TTC28: variants seen among roughly 807,000 people sequenced by gnomAD.
TTC28 encodes the protein tetratricopeptide repeat domain 28.
A neutral mutation model predicts 198.0 loss-of-function variants in TTC28; 61 were observed. The ratio of observed to expected loss-of-function variants is 0.31; its 90% CI spans 0.25 to 0.38. The LOEUF is 0.38. Among genes scored for constraint, TTC28 ranks in the 10% least tolerant of loss-of-function variants. TTC28 has a pLI of 1.00. For missense variants in TTC28, 2,678 were observed against 3,164.0 expected (o/e 0.85, Z 3.69); for synonymous variants, 1,171 against 1,297.8 (o/e 0.90, Z 2.10).
At position 28,145,141 on chromosome 22, in the gene TTC28, G is replaced by A. The variant is rs542673272; in HGVS notation, c.1441+17951C>T. On this transcript the variant is annotated intron_variant, in intron 6 of 22. Transcript: ENST00000397906. Reference sequence around the variant, plus strand: ...CAGGGGAAAAAACAAAACAAATACCGACACTAACTTCTAGGTACTCCTTAG... The same window carrying A: ...CAGGGGAAAAAACAAAACAAATACCAACACTAACTTCTAGGTACTCCTTAG... 3.1e-3 allele frequency among the ~76,000 whole-genome samples: 466 copies of A among 152,204 alleles called. 6 individuals are homozygous for A. Among genetic ancestry groups the A allele is most frequent in the African/African-American group, 0.011 (443 of 41,502 alleles).
intron 2 of TTC28, among the ~76,000 whole-genome samples, chr22:28,415,990 T>C (rs147249587): frequency 3.9e-5 from 6 of 152,228 alleles, no homozygotes; most frequent in Non-Finnish European, 5.9e-5. Context: ...AAAAAAGGCA[T>C]TGAACTTTCA....
intron 1 of TTC28, among the ~76,000 whole-genome samples, chr22:28,641,670 A>G (rs138063765): frequency 0.011 from 1,665 of 152,320 alleles, 31 homozygotes; most frequent in African/African-American, 0.037. Context: ...TGTGAATTGC[A>G]TCTCAATTAA....
intron 13 of TTC28, among the ~76,000 whole-genome samples, chr22:28,019,754 G>A (rs1172592575): frequency 6.6e-6 from 1 of 152,246 alleles, no homozygotes; most frequent in Admixed American, 6.5e-5. Flanking sequence ...CGCCCTGGCT[G>A]ACTTCTCTTT....
chr22:28,364,157 G>A (rs763460769), intron 2 of TTC28, among the ~76,000 whole-genome samples: 1 of 152,128 alleles, frequency 6.6e-6, no homozygotes, highest in Non-Finnish European at 1.5e-5. Flanking sequence ...GCGACCCAGT[G>A]GGAGGTAACT....
At chr22:28,291,652 A>G (rs1382634727) in intron 5 of TTC28, among the ~76,000 whole-genome samples, 3 of 152,238 alleles carry the variant, frequency 2.0e-5, no homozygotes, top group Non-Finnish European at 4.4e-5. Context: ...AGTAATAAGT[A>G]TAAGAAGCCT....
At chr22:28,199,553 ACAAACAC>A in intron 5 of TTC28, among the ~76,000 whole-genome samples, 1 of 149,702 alleles carries the variant, frequency 6.7e-6, no homozygotes, top group African/African-American at 2.5e-5. Context: ...ATATATACAC[ACAAACAC>A]TAAATTATTT....
chr22:28,427,811 T>C (rs9620795), intron 2 of TTC28, among the ~76,000 whole-genome samples: 2,002 of 151,816 alleles, frequency 0.013, 40 homozygotes, highest in African/African-American at 0.046. Flanking sequence ...TAAAGTCAAA[T>C]TCAGGTAAAT....
At chr22:28,348,015 T>C (rs1016117613) in intron 2 of TTC28, among the ~76,000 whole-genome samples, 1 of 152,248 alleles carries the variant, frequency 6.6e-6, no homozygotes, top group Non-Finnish European at 1.5e-5. Context: ...TGTTTCTTCT[T>C]TCTCAAGTAA....
At chr22:28,031,644 G>A (rs1461207547) in intron 12 of TTC28, among the ~76,000 whole-genome samples, 1 of 152,138 alleles carries the variant, frequency 6.6e-6, no homozygotes. Flanking sequence ...CATTCTGGGG[G>A]CCAAATGAGA....
rs183376176 is a variant in TTC28 at position 28,648,657 on chromosome 22, C to T, written c.103-18827G>A. On this transcript the variant is annotated intron_variant, in intron 1 of 22. Transcript: ENST00000397906. ...GGCACAGTGGCTCATGCCTGTAATT[C>T]CAGCACTTTGGAAGGCCAAGGTGGG... Among the ~76,000 whole-genome samples, 852 of 152,314 alleles carry T rather than the reference C, an allele frequency of 5.6e-3. 6 individuals are homozygous for T. The highest frequency in any genetic ancestry group is 8.8e-3 in the Non-Finnish European group (600 of 68,028).
At chr22:28,287,906 C>A (rs1396568273) in intron 5 of TTC28, among the ~76,000 whole-genome samples, 2 of 151,926 alleles carry the variant, frequency 1.3e-5, no homozygotes, top group Non-Finnish European at 2.9e-5. Flanking sequence ...ATTTATATAC[C>A]CCCATGTGAC....
intron 2 of TTC28, among the ~76,000 whole-genome samples, chr22:28,582,221 G>A (rs1385730867): frequency 1.3e-5 from 2 of 152,068 alleles, no homozygotes; most frequent in Non-Finnish European, 2.9e-5. Context: ...GCATTAAGGG[G>A]TGATAGGGAG....
intron 5 of TTC28, among the ~76,000 whole-genome samples, chr22:28,285,310 C>T (rs893544089): frequency 3.3e-5 from 5 of 152,226 alleles, no homozygotes; most frequent in East Asian, 1.9e-4. Context: ...AAATACTGTA[C>T]GATTTTACTT....
At chr22:28,088,442 A>G (rs954132770) in intron 12 of TTC28, among the ~76,000 whole-genome samples, 6 of 152,124 alleles carry the variant, frequency 3.9e-5, no homozygotes, top group Admixed American at 2.0e-4. Context: ...AATGGTGCTG[A>G]GAAAACTGGC....
intron 1 of TTC28, among the ~76,000 whole-genome samples, chr22:28,640,475 T>C (rs1477601068): frequency 1.3e-5 from 2 of 151,728 alleles, no homozygotes; most frequent in Non-Finnish European, 2.9e-5. Context: ...CATCAACTCA[T>C]AAAATATTGA....
chr22:28,471,573 TG>T (rs1277630970), intron 2 of TTC28, among the ~76,000 whole-genome samples: 7 of 152,226 alleles, frequency 4.6e-5, no homozygotes, highest in Admixed American at 4.6e-4. Context: ...ACAGGGAGCA[TG>T]AAAGGGCACA....
At chr22:28,628,697 C>T (rs2051117081) in intron 2 of TTC28, among the ~76,000 whole-genome samples, 3 of 152,066 alleles carry the variant, frequency 2.0e-5, no homozygotes, top group South Asian at 2.1e-4. Flanking sequence ...CCCAGCACTT[C>T]GGGAGACCGA....
chr22:28,043,672 A>G (rs997424946), intron 12 of TTC28, among the ~76,000 whole-genome samples: 1 of 152,056 alleles, frequency 6.6e-6, no homozygotes, highest in African/African-American at 2.4e-5. Flanking sequence ...GGGACTCCTC[A>G]CCCATATAAC....
rs1314184903 is a variant in TTC28 at position 28,108,262 on chromosome 22, C to G, written c.1583G>C (p.Gly528Ala). The change falls in exon 7 of 23, where the codon GGC becomes GCC. Residue 528 changes from glycine to alanine, a missense_variant. Gly to Ala is a moderately conservative substitution (Grantham distance 60). Around this residue, in one of 8 missense-constraint regions of TTC28, gnomAD observed 775 missense variants for 845.9 expected, o/e 0.92. Transcript: ENST00000397906. ...GTATTTGACCGCCTGGTCGTACATG[C>G]CCAGGGCATTGTAGGCATTGCCCAT... is the stretch of plus-strand genomic sequence containing the variant. ...GNMGNAYNALGMYDQAVKYHR... is the reference protein window; with the variant it reads ...GNMGNAYNALAMYDQAVKYHR... 1 of 1,550,366 alleles carries G rather than the reference C, an allele frequency of 6.5e-7. No individual in the cohort carries two copies. The highest frequency in any genetic ancestry group is 1.4e-5 in the African/African-American group (1 of 73,152).
Sources: allele counts gnomAD v4.1 joint callset (sites outside exome capture counted in the v4.1 genomes callset), GRCh38; gene constraint gnomAD v4.1.1; regional missense constraint gnomAD v4.1.1; transcripts MANE v1.5; gene names NCBI Gene and HGNC (gene_info 2026-07-23, HGNC 2026-07-21).